Variants in DTNB observed in about 807,000 individuals in gnomAD.
The protein encoded by DTNB is DTN-B.
In DTNB, 63 loss-of-function variants were observed where a neutral mutation model predicts 90.7. The ratio of observed to expected loss-of-function variants is 0.69; its 90% CI spans 0.57 to 0.86. The LOEUF is 0.86. DTNB is among the 40% of genes least tolerant of loss of function. DTNB has a pLI of 0.00. For synonymous variants in DTNB, 277 were observed against 286.7 expected (o/e 0.97, Z 0.34); for missense variants, 744 against 807.1 (o/e 0.92, Z 0.95).
intron 16 of DTNB, among the ~76,000 whole-genome samples, chr2:25,404,447 C>A (rs528236004): frequency 1.3e-5 from 2 of 152,038 alleles, no homozygotes; most frequent in East Asian, 1.9e-4. Context: ...GGGGGTGAGA[C>A]GGGGCGGTGA....
chr2:25,618,880 A>T (rs931801140), intron 4 of DTNB, among the ~76,000 whole-genome samples: 2 of 152,182 alleles, frequency 1.3e-5, no homozygotes, highest in African/African-American at 4.8e-5. Flanking sequence ...AAAAAGAGTT[A>T]TTATCCAACA....
intron 4 of DTNB, among the ~76,000 whole-genome samples, chr2:25,623,811 GTA>G (rs1334796454): frequency 6.6e-6 from 1 of 152,054 alleles, no homozygotes; most frequent in Non-Finnish European, 1.5e-5. Context: ...ACAACAAACA[GTA>G]CAAAAAGAAC....
At chr2:25,511,341 T>C (rs1274991773) in intron 9 of DTNB, among the ~76,000 whole-genome samples, 2 of 151,536 alleles carry the variant, frequency 1.3e-5, no homozygotes, top group Non-Finnish European at 2.9e-5. Context: ...TTAAGGTTAC[T>C]TTTTTTTTGA....
At chr2:25,526,378 TATATATATATATA>T (rs2077113928) in intron 9 of DTNB, among the ~76,000 whole-genome samples, 2 of 51,242 alleles carry the variant, frequency 3.9e-5, no homozygotes, top group African/African-American at 2.4e-4. Flanking sequence ...TATATATATA[TATATATATATATA>T]TATATTTTTT....
At chr2:25,568,790 C>T (rs911912943) in intron 8 of DTNB, among the ~76,000 whole-genome samples, 1 of 152,218 alleles carries the variant, frequency 6.6e-6, no homozygotes, top group Non-Finnish European at 1.5e-5. Context: ...GTGACCCTCC[C>T]ACAACCATCA....
chr2:25,531,622 G>A, intron 8 of DTNB, 25 bp from the exon 9 acceptor site: 3 of 1,601,246 alleles, frequency 1.9e-6, no homozygotes, highest in Non-Finnish European at 2.5e-6. Context: ...AAAATAGTAA[G>A]GAATTAACCC....
chr2:25,482,996 A>T, intron 9 of DTNB, 123 bp from the exon 10 acceptor site: 87 of 759,706 alleles, frequency 1.1e-4, no homozygotes, highest in Middle Eastern at 6.2e-4. Flanking sequence ...AGACGGACCC[A>T]TGGGGAGGGG....
At chr2:25,513,680 A>G (rs1275591522) in intron 9 of DTNB, among the ~76,000 whole-genome samples, 2 of 151,022 alleles carry the variant, frequency 1.3e-5, no homozygotes, top group African/African-American at 2.4e-5. Context: ...CCGAGATCAC[A>G]CCACTGCACT....
chr2:25,595,961 T>G, intron 6 of DTNB, 125 bp downstream of exon 6: 1 of 849,036 alleles, frequency 1.2e-6, no homozygotes, highest in Admixed American at 8.4e-5. Context: ...CCCACCACCT[T>G]TAAAGCTTTT....
intron 3 of DTNB, among the ~76,000 whole-genome samples, chr2:25,636,314 T>C (rs975368521): frequency 6.6e-6 from 1 of 152,208 alleles, no homozygotes; most frequent in East Asian, 1.9e-4. Context: ...AACTGACTAC[T>C]ACTTATCCTG....
intron 4 of DTNB, among the ~76,000 whole-genome samples, chr2:25,626,988 C>T (rs1229348193): frequency 6.6e-6 from 1 of 152,212 alleles, no homozygotes; most frequent in Admixed American, 6.5e-5. Flanking sequence ...CAATTCTCTA[C>T]GAATATAAGT....
intron 1 of DTNB, among the ~76,000 whole-genome samples, chr2:25,662,937 C>G (rs963582360): frequency 2.0e-5 from 3 of 152,084 alleles, no homozygotes; most frequent in Admixed American, 6.5e-5. Context: ...GATACATGTG[C>G]AGAACGTGCA....
chr2:25,417,750 G>C (rs1014535253), intron 16 of DTNB, among the ~76,000 whole-genome samples: 3 of 152,164 alleles, frequency 2.0e-5, no homozygotes, highest in Admixed American at 6.5e-5. Flanking sequence ...TGACACCCTG[G>C]ATCATCAGGA....
chr2:25,444,197 G>A (rs556680975), intron 12 of DTNB, among the ~76,000 whole-genome samples: 1 of 152,090 alleles, frequency 6.6e-6, no homozygotes, highest in Non-Finnish European at 1.5e-5. Context: ...TTGCTATTAC[G>A]ACTACAATTT....
At chr2:25,664,678 T>G (rs2084002994) in intron 1 of DTNB, among the ~76,000 whole-genome samples, 1 of 152,204 alleles carries the variant, frequency 6.6e-6, no homozygotes, top group African/African-American at 2.4e-5. Context: ...TGGAGACTAT[T>G]GCTCTTTTTA....
intron 16 of DTNB, among the ~76,000 whole-genome samples, chr2:25,399,691 C>A (rs915022377): frequency 2.1e-4 from 32 of 152,204 alleles, no homozygotes; most frequent in Non-Finnish European, 4.3e-4. Flanking sequence ...AATGTGGTCA[C>A]CAGACCTCTG....
At chr2:25,641,125 T>C (rs920900039) in intron 2 of DTNB, among the ~76,000 whole-genome samples, 2 of 152,190 alleles carry the variant, frequency 1.3e-5, no homozygotes, top group Non-Finnish European at 2.9e-5. Context: ...CTGCTTTCCT[T>C]TGCCATTGTT....
intron 7 of DTNB, 65 bp downstream of exon 7, chr2:25,580,656 T>C (rs2148197233): frequency 2.9e-6 from 4 of 1,364,640 alleles, no homozygotes; most frequent in South Asian, 1.2e-5. Flanking sequence ...GCTAAGGACA[T>C]TGCAAATAAT....
At chr2:25,437,136 G>T (rs752597010) in intron 12 of DTNB, among the ~76,000 whole-genome samples, 3 of 152,194 alleles carry the variant, frequency 2.0e-5, no homozygotes, top group Non-Finnish European at 4.4e-5. Context: ...AGTTCCCCTA[G>T]GGGCAGCTGG....
Sources: allele counts gnomAD v4.1 joint callset (sites outside exome capture counted in the v4.1 genomes callset), GRCh38; gene constraint gnomAD v4.1.1; transcripts MANE v1.5; gene names NCBI Gene and HGNC (gene_info 2026-07-23, HGNC 2026-07-21).